TSHZ2: variants seen among roughly 807,000 people sequenced by gnomAD.
TSHZ2 encodes teashirt zinc finger homeobox 2, also known as teashirt homolog 2.
A neutral mutation model predicts 74.4 loss-of-function variants in TSHZ2; 21 were observed. That is an observed-to-expected ratio of 0.28 (90% CI 0.20 to 0.41). The LOEUF is 0.41. Ranked by LOEUF, TSHZ2 falls within the 10% of genes least tolerant of loss-of-function variation. TSHZ2 has a pLI of 1.00. For missense variants in TSHZ2, 1,244 were observed against 1,293.5 expected (o/e 0.96, Z 0.59); for synonymous variants, 540 against 515.3 (o/e 1.05, Z -0.65).
chr20:53,454,897 G>GAGAC (rs1340369406), intron 2 of TSHZ2, among the ~76,000 whole-genome samples: 4 of 152,178 alleles, frequency 2.6e-5, no homozygotes, highest in African/African-American at 9.7e-5. Context: ...TCTGAACAAT[G>GAGAC]AGACAGAAGA....
chr20:53,351,534 A>G (rs1038642320), intron 2 of TSHZ2, among the ~76,000 whole-genome samples: 10 of 152,258 alleles, frequency 6.6e-5, no homozygotes, highest in African/African-American at 2.2e-4. Flanking sequence ...ATAAAAAATT[A>G]ACTCAATTAT....
intron 1 of TSHZ2, chr20:53,097,617 TC>T (rs1465227028): frequency 6.6e-6 from 1 of 152,248 alleles, no homozygotes; most frequent in East Asian, 1.9e-4. Context: ...GCCTGCATGT[TC>T]TAATGAAAAT....
intron 2 of TSHZ2, among the ~76,000 whole-genome samples, chr20:53,326,334 G>A (rs2056866593): frequency 6.6e-6 from 1 of 152,226 alleles, no homozygotes; most frequent in Non-Finnish European, 1.5e-5. Context: ...AGCAAAGGAA[G>A]ACAAGACAGG....
At chr20:53,163,358 CTCTTTT>C (rs1987987915) in intron 1 of TSHZ2, among the ~76,000 whole-genome samples, 1 of 63,106 alleles carries the variant, frequency 1.6e-5, no homozygotes, top group African/African-American at 6.0e-5. Context: ...CGCTCTCTGT[CTCTTTT>C]TTTTTTTTTT....
intron 1 of TSHZ2, among the ~76,000 whole-genome samples, chr20:53,039,371 A>G (rs1333155136): frequency 2.0e-5 from 3 of 152,210 alleles, no homozygotes; most frequent in Non-Finnish European, 4.4e-5. Context: ...AACAAGTGTC[A>G]GTACCTTTTT....
chr20:53,182,840 A>G (rs573130405), intron 1 of TSHZ2, among the ~76,000 whole-genome samples: 10 of 152,248 alleles, frequency 6.6e-5, no homozygotes, highest in South Asian at 4.2e-4. Context: ...TGTGTGTTCA[A>G]TGTTCTAATA....
intron 2 of TSHZ2, among the ~76,000 whole-genome samples, chr20:53,345,388 C>T (rs1036121854): frequency 1.3e-5 from 2 of 152,066 alleles, no homozygotes; most frequent in African/African-American, 4.8e-5. Context: ...TGGGAAACAA[C>T]GTCAGGGAAT....
intron 2 of TSHZ2, among the ~76,000 whole-genome samples, chr20:53,405,744 C>T (rs13339926): frequency 0.023 from 3,426 of 152,172 alleles, 113 homozygotes; most frequent in African/African-American, 0.074. Context: ...GCCAGTAATG[C>T]CAGCATTTCA....
At chr20:53,037,064 A>G (rs1252594020) in intron 1 of TSHZ2, among the ~76,000 whole-genome samples, 1 of 152,118 alleles carries the variant, frequency 6.6e-6, no homozygotes, top group Non-Finnish European at 1.5e-5. Flanking sequence ...TGTTGCATTT[A>G]TTTATTTTTT....
intron 1 of TSHZ2, among the ~76,000 whole-genome samples, chr20:53,093,913 T>G (rs1001040733): frequency 1.3e-5 from 2 of 152,174 alleles, no homozygotes; most frequent in Non-Finnish European, 2.9e-5. Context: ...TTCAAACTAC[T>G]TCATGATTTT....
At chr20:53,140,727 G>C (rs759759167) in intron 1 of TSHZ2, among the ~76,000 whole-genome samples, 4 of 152,060 alleles carry the variant, frequency 2.6e-5, no homozygotes, top group Non-Finnish European at 5.9e-5. Context: ...ACCTTTGCAC[G>C]TTTCCAGTCT....
chr20:53,036,651 A>G (rs1264775702), intron 1 of TSHZ2, among the ~76,000 whole-genome samples: 3 of 145,328 alleles, frequency 2.1e-5, no homozygotes, highest in African/African-American at 7.6e-5. Flanking sequence ...CACATTATAT[A>G]TTATATATGA....
intron 2 of TSHZ2, among the ~76,000 whole-genome samples, chr20:53,390,127 C>T (rs1380591055): frequency 2.0e-5 from 3 of 152,184 alleles, no homozygotes; most frequent in African/African-American, 7.2e-5. Context: ...ATTTTCAATT[C>T]ACATCCTAGT....
chr20:52,973,806 G>A (rs1981223355), intron 1 of TSHZ2, among the ~76,000 whole-genome samples: 1 of 152,174 alleles, frequency 6.6e-6, no homozygotes, highest in Non-Finnish European at 1.5e-5. Context: ...GGCAGGCTTT[G>A]GGGCCAGCAA....
At chr20:53,031,510 C>G (rs1451968838) in intron 1 of TSHZ2, among the ~76,000 whole-genome samples, 1 of 152,076 alleles carries the variant, frequency 6.6e-6, no homozygotes, top group African/African-American at 2.4e-5. Flanking sequence ...CAGGAATTGT[C>G]TGGGTTTATA....
intron 2 of TSHZ2, among the ~76,000 whole-genome samples, chr20:53,372,259 T>C (rs1282159096): frequency 1.3e-5 from 2 of 152,032 alleles, no homozygotes; most frequent in Admixed American, 6.5e-5. Flanking sequence ...GCGGACCACT[T>C]GAGGTCAGAA....
At chr20:53,196,177 C>T (rs201962370) in intron 1 of TSHZ2, 1 of 151,900 alleles carries the variant, frequency 6.6e-6, no homozygotes, top group East Asian at 1.9e-4. Context: ...ATTTTCTAGG[C>T]GCTGACAATA....
At chr20:53,268,877 C>A (rs1238907886) in intron 2 of TSHZ2, among the ~76,000 whole-genome samples, 1 of 152,162 alleles carries the variant, frequency 6.6e-6, no homozygotes, top group Non-Finnish European at 1.5e-5. Flanking sequence ...TCAGACACAC[C>A]TGGGTTCAAA....
intron 1 of TSHZ2, among the ~76,000 whole-genome samples, chr20:53,238,410 T>G (rs936316919): frequency 2.0e-5 from 3 of 152,118 alleles, no homozygotes; most frequent in African/African-American, 7.2e-5. Flanking sequence ...ATCATAGAAT[T>G]GTGAAATGGA....
Sources: gnomAD v4.1 joint callset for allele counts (sites outside exome capture counted in the v4.1 genomes callset) on GRCh38, gnomAD v4.1.1 for gene constraint, MANE v1.5 for transcripts, NCBI Gene and HGNC (gene_info 2026-07-23, HGNC 2026-07-21) for gene names.